Variants in CUX2 observed in about 807,000 individuals in gnomAD.
CUX2 encodes the protein cut like homeobox 2, also known as homeobox protein cut-like 2.
A neutral mutation model predicts 144.8 loss-of-function variants in CUX2; 40 were observed. That is an observed-to-expected ratio of 0.28 (90% CI 0.21 to 0.36). CUX2 has a LOEUF of 0.36. CUX2 is among the 10% of genes least tolerant of loss of function. CUX2 has a pLI of 1.00. For missense variants in CUX2, 1,615 were observed against 1,994.0 expected, an observed-to-expected ratio of 0.81 and a Z score of 3.62; for synonymous variants, 827 against 875.6, an observed-to-expected ratio of 0.94 and a Z score of 0.98.
At chr12:111,181,586 G>A (rs1316917754) in intron 1 of CUX2, among the ~76,000 whole-genome samples, 2 of 152,170 alleles carry the variant, frequency 1.3e-5, no homozygotes, top group Non-Finnish European at 2.9e-5. Flanking sequence ...ATCACACACC[G>A]GGCCCCAGCA....
intron 1 of CUX2, among the ~76,000 whole-genome samples, chr12:111,071,361 T>G (rs1871248325): frequency 6.6e-6 from 1 of 152,224 alleles, no homozygotes; most frequent in African/African-American, 2.4e-5. Flanking sequence ...ATTTGCATTT[T>G]CCTGATGATA....
chr12:111,336,325 A>G (rs1230784939), intron 19 of CUX2, among the ~76,000 whole-genome samples: 1 of 152,164 alleles, frequency 6.6e-6, no homozygotes, highest in Non-Finnish European at 1.5e-5. Flanking sequence ...AAAATAAGAC[A>G]TATTCATTGT....
chr12:111,084,790 G>T (rs113710285), intron 1 of CUX2, among the ~76,000 whole-genome samples: 46 of 152,246 alleles, frequency 3.0e-4, no homozygotes, highest in Non-Finnish European at 6.0e-4. Flanking sequence ...GAGGGGCCAC[G>T]TGGCGGGCGG....
At chr12:111,165,861 T>C (rs1878104912) in intron 1 of CUX2, among the ~76,000 whole-genome samples, 2 of 152,348 alleles carry the variant, frequency 1.3e-5, no homozygotes, top group South Asian at 2.1e-4. Context: ...TTTACCAGCA[T>C]CCTACTGGTG....
intron 1 of CUX2, among the ~76,000 whole-genome samples, chr12:111,038,942 T>G (rs1246968725): frequency 2.6e-5 from 4 of 151,930 alleles, no homozygotes; most frequent in Non-Finnish European, 4.4e-5. Flanking sequence ...TTTTTCTTTC[T>G]TTTACTTTTT....
At chr12:111,161,697 T>C (rs1426941402) in intron 1 of CUX2, among the ~76,000 whole-genome samples, 2 of 152,210 alleles carry the variant, frequency 1.3e-5, no homozygotes, top group East Asian at 3.8e-4. Context: ...CTCTTAGCTC[T>C]CACACTCTAT....
intron 1 of CUX2, among the ~76,000 whole-genome samples, chr12:111,091,888 T>A (rs927897420): frequency 2.6e-5 from 4 of 152,206 alleles, no homozygotes; most frequent in African/African-American, 9.7e-5. Flanking sequence ...TCTCTTCTTA[T>A]AAGGACAAGG....
chr12:111,291,020 A>G (rs1885651381), intron 4 of CUX2, among the ~76,000 whole-genome samples: 1 of 149,810 alleles, frequency 6.7e-6, no homozygotes, highest in Admixed American at 6.7e-5. Flanking sequence ...GCACCACCAC[A>G]CCCGGCTAAT....
In CUX2 at chr12:111,332,252, C is replaced by G. The variant is rs1431077383; in HGVS notation, c.2927-2189C>G. Among the ~76,000 whole-genome samples the G allele has an allele frequency of 2.8e-5, 4 of 140,580 alleles. No homozygotes were observed. The East Asian group carries it at 9.3e-4, about 33-fold the overall frequency. 92.2% of individuals were successfully genotyped at this position (140,580 alleles called of 152,430 possible). A position where few individuals can be genotyped will look rare whatever the true frequency, so the allele number is the denominator to read the frequency against. ...GGTTCAAGCGATTCTGCTGCCTCAG[C>G]CTCCCGAGTAGCTGGGATTACAGGC... On this transcript the variant is annotated intron_variant, in intron 18 of 21. Coordinates refer to ENST00000261726, the MANE Select transcript of CUX2 (RefSeq NM_015267.4).
At chr12:111,141,695 G>A (rs1876328429) in intron 1 of CUX2, among the ~76,000 whole-genome samples, 1 of 152,190 alleles carries the variant, frequency 6.6e-6, no homozygotes, top group African/African-American at 2.4e-5. Context: ...CCCAAGTCAT[G>A]TGTCCCCCAG....
chr12:111,292,650 G>C (rs977585513), intron 5 of CUX2, among the ~76,000 whole-genome samples: 2 of 152,130 alleles, frequency 1.3e-5, no homozygotes, highest in Non-Finnish European at 2.9e-5. Flanking sequence ...GAAAGGCCAC[G>C]TAATGTACGA....
At chr12:111,232,619 G>A (rs1714068579) in intron 3 of CUX2, among the ~76,000 whole-genome samples, 1 of 152,196 alleles carries the variant, frequency 6.6e-6, no homozygotes, top group South Asian at 2.1e-4. Flanking sequence ...TATCCTCAGG[G>A]TGTCCTGAAA....
chr12:111,257,988 T>C (rs751626885), intron 3 of CUX2, among the ~76,000 whole-genome samples: 27 of 152,210 alleles, frequency 1.8e-4, no homozygotes, highest in Non-Finnish European at 3.8e-4. Context: ...GTGAAATGCA[T>C]TGAGTTTCAG....
chr12:111,312,351 G>A lies in CUX2; in HGVS notation c.2002+150G>A. The A allele has an allele frequency of 1.6e-6, 1 of 609,336 alleles. No individual in the cohort carries two copies. The highest frequency in any genetic ancestry group is 2.9e-6 in the Non-Finnish European group (1 of 349,922). 37.7% of individuals were successfully genotyped at this position (609,336 alleles called of 1,614,324 possible). ...AGAGGGACCTGTCTAGAGCGCATGG[G>A]TAGCTGTGGCACTGCTCAGAACCCT... On this transcript the variant is annotated intron_variant, in intron 16 of 21. Coordinates refer to ENST00000261726, the MANE Select transcript of CUX2 (RefSeq NM_015267.4). This position sits in a 1 kb window ranked among gnomAD's most constrained non-coding sequence, Gnocchi z 4.3.
At chr12:111,212,887 G>A (rs531608501) in intron 1 of CUX2, among the ~76,000 whole-genome samples, 2 of 152,260 alleles carry the variant, frequency 1.3e-5, no homozygotes, top group Admixed American at 1.3e-4. Flanking sequence ...CATGCATTTC[G>A]TCTCTTAGAG....
At chr12:111,164,955 G>T (rs11065824) in intron 1 of CUX2, among the ~76,000 whole-genome samples, 16 of 152,100 alleles carry the variant, frequency 1.1e-4, no homozygotes, top group African/African-American at 2.2e-4. Flanking sequence ...CCAGCCATGG[G>T]GGGGAGAGGA....
At chr12:111,123,894 A>C (rs573546914) in intron 1 of CUX2, among the ~76,000 whole-genome samples, 1 of 152,228 alleles carries the variant, frequency 6.6e-6, no homozygotes, top group Non-Finnish European at 1.5e-5. Context: ...CCTTGTATTA[A>C]TAAGGAAACA....
chr12:111,194,970 C>T (rs962953409), intron 1 of CUX2, among the ~76,000 whole-genome samples: 1 of 152,254 alleles, frequency 6.6e-6, no homozygotes, highest in Non-Finnish European at 1.5e-5. Flanking sequence ...CTCCCATCTC[C>T]CTCTCCCCAA....
At chr12:111,191,614 C>T (rs1044731301) in intron 1 of CUX2, among the ~76,000 whole-genome samples, 7 of 152,206 alleles carry the variant, frequency 4.6e-5, no homozygotes, top group African/African-American at 1.7e-4. Context: ...GCGTGAGCCC[C>T]CATACCCAGC....
Sources: allele counts gnomAD v4.1 joint callset (sites outside exome capture counted in the v4.1 genomes callset), GRCh38; gene constraint gnomAD v4.1.1; non-coding constraint Gnocchi (gnomAD v3.1); transcripts MANE v1.5; gene names NCBI Gene and HGNC (gene_info 2026-07-23, HGNC 2026-07-21).